NELL2: variants seen among roughly 807,000 people sequenced by gnomAD.
The protein encoded by NELL2 is neural EGFL like 2.
NELL2 carries 41 observed loss-of-function variants against 109.6 expected under a neutral mutation model. That is an observed-to-expected ratio of 0.37 (90% CI 0.29 to 0.49). The LOEUF is 0.49. Among genes scored for constraint, NELL2 ranks in the 20% least tolerant of loss-of-function variants. The pLI, the probability that NELL2 is intolerant of heterozygous loss-of-function variation, is 0.98. For missense variants in NELL2, 900 were observed against 1,008.3 expected (o/e 0.89, Z 1.45); for synonymous variants, 355 against 344.7 (o/e 1.03, Z -0.33).
intron 13 of NELL2, among the ~76,000 whole-genome samples, chr12:44,646,664 G>A (rs1434884368): frequency 1.3e-5 from 2 of 152,132 alleles, no homozygotes; most frequent in African/African-American, 2.4e-5. Context: ...CTGAAGCCAT[G>A]GAAAGCGAAA....
intron 15 of NELL2, among the ~76,000 whole-genome samples, chr12:44,595,428 TTTTG>T (rs1944916419): frequency 2.0e-5 from 3 of 152,230 alleles, no homozygotes; most frequent in Non-Finnish European, 2.9e-5. Context: ...TTAACTTGTT[TTTTG>T]TTTGTTTGTT....
chr12:44,576,655 T>C lies in NELL2; in HGVS notation c.1663+30514A>G, dbSNP rs555107862. On this transcript the variant is annotated intron_variant, in intron 15 of 19. Coordinates refer to ENST00000429094, the MANE Select transcript of NELL2 (RefSeq NM_001145108.2). ...TGCTGGTGCGCTGCACCCACTAACT[T>C]GTCATCTAGCATTAGGTATATCTCC... is the stretch of plus-strand genomic sequence containing the variant. Among the ~76,000 whole-genome samples, 37 of 152,198 alleles carry C rather than the reference T, an allele frequency of 2.4e-4. No individual in the cohort carries two copies. In the East Asian group the frequency reaches 3.9e-3, roughly 16 times the overall value.
chr12:44,518,072 T>C (rs1253695024), intron 19 of NELL2, among the ~76,000 whole-genome samples: 1 of 152,136 alleles, frequency 6.6e-6, no homozygotes, highest in Non-Finnish European at 1.5e-5. Flanking sequence ...TCATATTTAA[T>C]AACAAGAGAT....
chr12:44,815,128 T>C (rs527356915), intron 3 of NELL2, among the ~76,000 whole-genome samples: 2 of 152,092 alleles, frequency 1.3e-5, no homozygotes, highest in African/African-American at 2.4e-5. Flanking sequence ...AACTATTTGG[T>C]ATTACTTCAT....
At chr12:44,536,258 G>A (rs1942290559) in intron 15 of NELL2, among the ~76,000 whole-genome samples, 1 of 151,946 alleles carries the variant, frequency 6.6e-6, no homozygotes. Context: ...ATAAAGAATT[G>A]AAAGCTGATC....
At chr12:44,533,332 C>T (rs1362754570) in intron 15 of NELL2, among the ~76,000 whole-genome samples, 1 of 152,086 alleles carries the variant, frequency 6.6e-6, no homozygotes, top group Non-Finnish European at 1.5e-5. Context: ...AGCATTCATG[C>T]ATCAACATGC....
chr12:44,614,148 C>T (rs1945731371), intron 13 of NELL2, among the ~76,000 whole-genome samples: 1 of 151,914 alleles, frequency 6.6e-6, no homozygotes, highest in Admixed American at 6.6e-5. Context: ...ATCTTCATAT[C>T]CTCAGTAAAA....
chr12:44,859,369 C>T (rs1250571167), intron 2 of NELL2, among the ~76,000 whole-genome samples: 1 of 152,154 alleles, frequency 6.6e-6, no homozygotes, highest in Admixed American at 6.6e-5. Flanking sequence ...TGGTGAAACC[C>T]CGTCTCCACA....
intron 9 of NELL2, among the ~76,000 whole-genome samples, chr12:44,736,635 A>G (rs1939668788): frequency 6.6e-6 from 1 of 152,324 alleles, no homozygotes; most frequent in East Asian, 1.9e-4. Context: ...GAACGAAACC[A>G]GAAAAGAAGT....
At chr12:44,554,165 G>T (rs917846277) in intron 15 of NELL2, among the ~76,000 whole-genome samples, 1 of 152,134 alleles carries the variant, frequency 6.6e-6, no homozygotes, top group Non-Finnish European at 1.5e-5. Context: ...GATTACAGAC[G>T]TTTTAGAAAA....
rs748437376 is a variant in NELL2, at chr12:44,511,807, C to A, written c.2401-2823G>T. 3.9e-4 allele frequency among the ~76,000 whole-genome samples: 59 copies of A among 152,160 alleles called. 1 individual carries two copies. The highest frequency in any genetic ancestry group is 7.2e-4 in the Admixed American group (11 of 15,282). ...TTTTCCTTAGACTTCTATCTCTCAC[C>A]ACCTATAAAAAATCAACTAAAAATG... On this transcript the variant is annotated intron_variant, in intron 19 of 19. Coordinates refer to ENST00000429094, the MANE Select transcript of NELL2 (RefSeq NM_001145108.2).
At chr12:44,825,006 G>A (rs945099657) in intron 2 of NELL2, among the ~76,000 whole-genome samples, 17 of 151,924 alleles carry the variant, frequency 1.1e-4, no homozygotes, top group Admixed American at 2.6e-4. Flanking sequence ...CACCGTGCCC[G>A]GCCTGTAGTG....
At chr12:44,837,595 A>C (rs1050962154) in intron 2 of NELL2, among the ~76,000 whole-genome samples, 2 of 152,230 alleles carry the variant, frequency 1.3e-5, no homozygotes, top group Admixed American at 1.3e-4. Flanking sequence ...ACAATGCTGC[A>C]TGCTTTCTGT....
At chr12:44,656,376 ACATTGAGTC>A (rs1947500704) in intron 13 of NELL2, among the ~76,000 whole-genome samples, 2 of 152,206 alleles carry the variant, frequency 1.3e-5, no homozygotes, top group Admixed American at 6.5e-5. Context: ...AAACAATAAC[ACATTGAGTC>A]CATTGCTCCA....
chr12:44,577,477 T>A (rs11182541), intron 15 of NELL2, among the ~76,000 whole-genome samples: 1 of 123,546 alleles, frequency 8.1e-6, no homozygotes, highest in Admixed American at 8.2e-5. Context: ...TTTTTTTTTT[T>A]TTTTTTTTTT....
intron 3 of NELL2, among the ~76,000 whole-genome samples, chr12:44,784,027 T>C (rs1942067841): frequency 6.6e-6 from 1 of 152,058 alleles, no homozygotes; most frequent in South Asian, 2.1e-4. Flanking sequence ...TATTTGAAAA[T>C]CAATCCATTA....
rs899769153 is a variant in NELL2, at chr12:44,900,564, C to A, written c.38+13235G>T. Among the ~76,000 whole-genome samples the A allele has an allele frequency of 9.2e-5, 14 of 152,020 alleles. No homozygotes were observed. In the East Asian group the frequency reaches 2.7e-3, roughly 29 times the overall value. ...AAATAAAGAAGTTCTTTGAAACCAA[C>A]GAGAATGAAGACACAATGTACCAGA... is the stretch of plus-strand genomic sequence containing the variant. On this transcript the variant is annotated intron_variant, in intron 1 of 20. Transcript: ENST00000333837.
upstream of NELL2, among the ~76,000 whole-genome samples, chr12:44,916,912 C>T (rs571046184): frequency 1.8e-4 from 27 of 152,134 alleles, no homozygotes; most frequent in Admixed American, 3.9e-4. Context: ...ACACTGCCTC[C>T]TACAAAATGG....
At chr12:44,650,500 G>A (rs982333086) in intron 13 of NELL2, among the ~76,000 whole-genome samples, 3 of 151,866 alleles carry the variant, frequency 2.0e-5, no homozygotes, top group African/African-American at 7.3e-5. Flanking sequence ...TCACTATGTT[G>A]GCCAGGCTGG....
Sources: allele counts gnomAD v4.1 joint callset (sites outside exome capture counted in the v4.1 genomes callset), GRCh38; gene constraint gnomAD v4.1.1; transcripts MANE v1.5; gene names NCBI Gene and HGNC (gene_info 2026-07-23, HGNC 2026-07-21).